Variants in GALNT13 observed in about 807,000 individuals in gnomAD.
GALNT13 encodes the protein polypeptide N-acetylgalactosaminyltransferase 13.
Under a neutral mutation model 64.2 loss-of-function variants are expected in GALNT13, and 28 were observed. The observed-to-expected ratio is 0.44, with a 90% CI of 0.32 to 0.60. The LOEUF (loss-of-function observed/expected upper bound fraction) is 0.60. GALNT13 is among the 20% of genes least tolerant of loss of function. GALNT13 has a pLI of 0.05. For synonymous variants in GALNT13, 214 were observed against 224.6 expected (o/e 0.95, Z 0.42); for missense variants, 577 against 669.8 (o/e 0.86, Z 1.53).
intron 3 of GALNT13, among the ~76,000 whole-genome samples, chr2:154,041,425 A>T (rs1281573266): frequency 2.1e-5 from 3 of 140,306 alleles, no homozygotes; most frequent in African/African-American, 7.3e-5. Context: ...ATTCCTTCTA[A>T]ATTTCACGCT....
Position 154,450,460 on chromosome 2 carries a change from C to T in GALNT13, c.1580C>T (p.Ser527Phe). 5.0e-6 allele frequency: 8 copies of T among 1,612,738 alleles called. No individual in the cohort carries two copies. In the South Asian group the frequency reaches 8.8e-5, roughly 18 times the overall value. ...AGTAACCAATGTCTCGATGAACCTT[C>T]TGAAGAAGACAAAATGGTGCCTACA... ...VNSNQCLDEP[S>F]EEDKMVPTMQ... is the part of the protein sequence containing the mutation. The change falls in exon 13 of 13, where the codon TCT (serine) becomes TTT (phenylalanine). Residue 527 changes from serine (S) to phenylalanine (F), a missense_variant. Physicochemically the swap from Ser to Phe is radical, Grantham distance 155 (BLOSUM62 -2). Coordinates refer to ENST00000392825, the MANE Select transcript of GALNT13 (RefSeq NM_052917.4).
the GALNT13 span, among the ~76,000 whole-genome samples, chr2:153,629,355 C>A: frequency 6.6e-6 from 1 of 151,808 alleles, no homozygotes; most frequent in African/African-American, 2.4e-5. Flanking sequence ...ATATCTACAA[C>A]TATCTGATCT....
intron 3 of GALNT13, among the ~76,000 whole-genome samples, chr2:153,951,284 G>A (rs948671662): frequency 2.0e-5 from 3 of 152,100 alleles, no homozygotes; most frequent in Admixed American, 6.6e-5. Context: ...CCACTGAATG[G>A]ACTTAAAAAT....
At chr2:154,154,038 G>A (rs948315360) in intron 4 of GALNT13, among the ~76,000 whole-genome samples, 5 of 152,184 alleles carry the variant, frequency 3.3e-5, no homozygotes, top group Non-Finnish European at 4.4e-5. Context: ...CACGCTGGGA[G>A]CTGTAGACCA....
At chr2:153,607,370 G>A in the GALNT13 span, among the ~76,000 whole-genome samples, 1 of 152,180 alleles carries the variant, frequency 6.6e-6, no homozygotes, top group Non-Finnish European at 1.5e-5. Flanking sequence ...CAGACACTAA[G>A]CTGTCCACCA....
the GALNT13 span, among the ~76,000 whole-genome samples, chr2:153,737,395 A>G: frequency 6.6e-6 from 1 of 150,870 alleles, no homozygotes; most frequent in Non-Finnish European, 1.5e-5. Context: ...GTTTTTTTTC[A>G]ATGTTTTTTA....
the GALNT13 span, among the ~76,000 whole-genome samples, chr2:153,716,491 T>C: frequency 1.5e-4 from 23 of 152,148 alleles, no homozygotes; most frequent in African/African-American, 5.1e-4. Context: ...TCAGTGGGAA[T>C]TGATAGCTCC....
chr2:153,366,102 G>A, the GALNT13 span, among the ~76,000 whole-genome samples: 2 of 152,180 alleles, frequency 1.3e-5, no homozygotes, highest in East Asian at 3.8e-4. Flanking sequence ...GTACATAGAT[G>A]AAGCTGGAAG....
At chr2:153,542,341 AACAAAC>A in the GALNT13 span, among the ~76,000 whole-genome samples, 21 of 102,560 alleles carry the variant, frequency 2.0e-4, no homozygotes, top group African/African-American at 1.3e-3. Context: ...CAAACAAACA[AACAAAC>A]ACACACACAC....
intron 3 of GALNT13, among the ~76,000 whole-genome samples, chr2:154,023,207 T>G (rs56694627): frequency 0.088 from 13,378 of 152,192 alleles, 1,613 homozygotes; most frequent in East Asian, 0.63. Context: ...GTCTATTAGG[T>G]CCACTTGGTG....
chr2:154,176,870 T>C (rs1294344185), intron 4 of GALNT13, among the ~76,000 whole-genome samples: 1 of 152,210 alleles, frequency 6.6e-6, no homozygotes, highest in Non-Finnish European at 1.5e-5. Flanking sequence ...TTTAAATATT[T>C]TCTTAGCCCA....
intron 9 of GALNT13, among the ~76,000 whole-genome samples, chr2:154,384,856 C>G (rs1188628240): frequency 6.6e-6 from 1 of 151,858 alleles, no homozygotes; most frequent in African/African-American, 2.4e-5. Context: ...TATCTTGGTA[C>G]TTTTTTATTT....
At chr2:154,210,786 G>C (rs1229679757) in intron 4 of GALNT13, among the ~76,000 whole-genome samples, 2 of 152,130 alleles carry the variant, frequency 1.3e-5, no homozygotes, top group African/African-American at 4.8e-5. Flanking sequence ...TTCTAGTTCT[G>C]ATAAGAGAAT....
chr2:154,076,037 C>A (rs535365733), intron 3 of GALNT13, among the ~76,000 whole-genome samples: 5 of 151,636 alleles, frequency 3.3e-5, no homozygotes, highest in Admixed American at 6.6e-5. Context: ...ATCTCAGAGG[C>A]ATGCAACAAC....
chr2:153,340,034 G>C, the GALNT13 span, among the ~76,000 whole-genome samples: 1 of 152,072 alleles, frequency 6.6e-6, no homozygotes, highest in Non-Finnish European at 1.5e-5. Context: ...AGGATGTATG[G>C]TGTCTGCAGC....
the GALNT13 span, among the ~76,000 whole-genome samples, chr2:153,785,302 C>G: frequency 6.6e-6 from 1 of 151,998 alleles, no homozygotes; most frequent in African/African-American, 2.4e-5. Flanking sequence ...AACTGGGGTC[C>G]CCAACCACCC....
At chr2:154,170,614 G>T (rs775293410) in intron 4 of GALNT13, among the ~76,000 whole-genome samples, 3 of 152,120 alleles carry the variant, frequency 2.0e-5, no homozygotes, top group Non-Finnish European at 4.4e-5. Context: ...CATAGTGCCA[G>T]ATGTCACAAC....
chr2:153,590,544 G>C, the GALNT13 span, among the ~76,000 whole-genome samples: 2 of 151,976 alleles, frequency 1.3e-5, no homozygotes, highest in Non-Finnish European at 2.9e-5. Flanking sequence ...AAAAACTACA[G>C]ACCAATATAC....
the GALNT13 span, among the ~76,000 whole-genome samples, chr2:153,528,002 A>C: frequency 0.35 from 53,748 of 151,722 alleles, 10,488 homozygotes; most frequent in East Asian, 0.75. Context: ...GGAATACGAG[A>C]AGGAAAGCAA....
Sources: allele counts gnomAD v4.1 joint callset (sites outside exome capture counted in the v4.1 genomes callset), GRCh38; gene constraint gnomAD v4.1.1; transcripts MANE v1.5; gene names NCBI Gene and HGNC (gene_info 2026-07-23, HGNC 2026-07-21).